The following BRIP1 variants were observed in gnomAD, a reference collection of about 807,000 sequenced individuals.
BRIP1 encodes Fanconi anemia group J protein.
In BRIP1, 88 loss-of-function variants were observed where a neutral mutation model predicts 119.7. The observed-to-expected ratio is 0.74, with a 90% CI of 0.62 to 0.88. The LOEUF is 0.88. Among genes scored for constraint, BRIP1 ranks in the 40% least tolerant of loss-of-function variants. BRIP1 has a pLI of 0.00. For missense variants in BRIP1, 1,259 were observed against 1,455.4 expected (o/e 0.87, Z 2.20); for synonymous variants, 443 against 496.5 (o/e 0.89, Z 1.43).
Position 61,695,372 on chromosome 17 carries a change from T to C in BRIP1, c.2493-1860A>G, listed in dbSNP as rs1214053510. 1.3e-5 allele frequency among the ~76,000 whole-genome samples: 2 copies of C among 152,150 alleles called. No individual in the cohort carries two copies. The highest frequency in any genetic ancestry group is 4.8e-5 in the African/African-American group (2 of 41,460). On this transcript the variant is annotated intron_variant, in intron 17 of 19. Transcript: ENST00000259008. This position sits in a 1 kb window ranked among gnomAD's most constrained non-coding sequence, Gnocchi z 4.3. ...CATCTGTCTTTATGCCAGTACAACA[T>C]AGTCTTGATTATTGTAGCTTTGTAG...
chr17:61,682,771 A>C lies in BRIP1; in HGVS notation c.*525T>G, dbSNP rs886513247. The C allele has an allele frequency of 1.0e-5, 2 of 190,554 alleles. No homozygotes were observed. The highest frequency in any genetic ancestry group is 4.7e-5 in the African/African-American group (2 of 42,970). 11.8% of individuals were successfully genotyped at this position (190,554 alleles called of 1,614,324 possible). A position where few individuals can be genotyped will look rare whatever the true frequency, so the allele number is the denominator to read the frequency against. ...AGAAGTGCCCTAGGATCTTTGAATA[A>C]TTTTAAATTGCATTTAGCTAAGGAA... On this transcript the variant is annotated 3_prime_UTR_variant, in exon 20 of 20. Transcript: ENST00000259008. This position sits in a 1 kb window ranked among gnomAD's most constrained non-coding sequence, Gnocchi z 4.9.
Position 61,796,237 on chromosome 17 carries a change from G to C in BRIP1, c.1341-2508C>G, listed in dbSNP as rs1380915344. Among the ~76,000 whole-genome samples the C allele has an allele frequency of 6.6e-6, 1 of 151,990 alleles. No homozygotes were observed. Among genetic ancestry groups the C allele is most frequent in the African/African-American group, 2.4e-5 (1 of 41,400 alleles). On this transcript the variant is annotated intron_variant, in intron 9 of 19. Coordinates refer to ENST00000259008, the MANE Select transcript of BRIP1 (RefSeq NM_032043.3). This position sits in a 1 kb window ranked among gnomAD's most constrained non-coding sequence, Gnocchi z 4.8. ...CACTTTGTTGATTGTTTCCTTTGCT[G>C]TGCAGCAGCTTTTTAACTTGATGTG...
At position 61,768,527 on chromosome 17, in the gene BRIP1, T is replaced by A. The variant is rs2077402889; in HGVS notation, c.2097+7874A>T. Among the ~76,000 whole-genome samples, 1 of 152,190 alleles carries A rather than the reference T, an allele frequency of 6.6e-6. No individual in the cohort carries two copies. Among genetic ancestry groups the A allele is most frequent in the South Asian group, 2.1e-4 (1 of 4,830 alleles). ...TTTATGGAAAGATTATTATGTGCAG[T>A]TGTGATGCCTTTGCTACCTAAATTT... On this transcript the variant is annotated intron_variant, in intron 14 of 19. Transcript: ENST00000259008. The surrounding 1 kb of genome is among the most constrained non-coding windows in gnomAD (Gnocchi z 5.0).
chr17:61,801,894 A>G (rs2078001609), intron 7 of BRIP1, among the ~76,000 whole-genome samples: 1 of 152,074 alleles, frequency 6.6e-6, no homozygotes, highest in African/African-American at 2.4e-5. Flanking sequence ...TTCTCTGTAG[A>G]CCCTTTTGTA....
At position 61,843,582 on chromosome 17, in the gene BRIP1, G is replaced by A. The variant is rs146467253; in HGVS notation, c.627+3519C>T. 7.7e-3 allele frequency among the ~76,000 whole-genome samples: 1,173 copies of A among 152,068 alleles called. 11 individuals are homozygous for A. The highest frequency in any genetic ancestry group is 0.026 in the African/African-American group (1,059 of 41,470). The stretch of plus-strand genomic sequence containing the variant: ...TTGAGTTCTTGCTCTGAGGTCACAC[G>A]AGATCTGGTTATTTAAAACAGTGTG... On this transcript the variant is annotated intron_variant, in intron 6 of 19. Transcript: ENST00000259008. The surrounding 1 kb of genome is among the most constrained non-coding windows in gnomAD (Gnocchi z 5.7).
intron 6 of BRIP1, among the ~76,000 whole-genome samples, chr17:61,818,972 G>T (rs1832670759): frequency 6.6e-6 from 1 of 152,128 alleles, no homozygotes; most frequent in African/African-American, 2.4e-5. Context: ...GATCACCTGA[G>T]GTCAGTAGTT....
Position 61,793,693 on chromosome 17 carries a change from T to G in BRIP1, c.1377A>C (p.Arg459Ser), listed in dbSNP as rs780310294. ...LEANAEYLVE[R>S]DYESACKIWS... ...ATATTTTACAAGCTGATTCATAATC[T>G]CTTTCTACAAGATATTCAGCGTTTG... Residue 459 changes from arginine (R) to serine (S), a missense_variant, in exon 10 of 20, where the codon AGA becomes AGC. Arg to Ser is a moderately radical substitution (Grantham distance 110). This residue lies in a region of BRIP1 where 501 missense variants were observed against 544.0 expected (regional missense o/e 0.92). Transcript: ENST00000259008. The surrounding 1 kb of genome is among the most constrained non-coding windows in gnomAD (Gnocchi z 5.2). 16 of 1,610,792 alleles carry G rather than the reference T, an allele frequency of 9.9e-6. No individual in the cohort carries two copies. The South Asian group carries it at 1.7e-4, about 17-fold the overall frequency.
Position 61,778,060 on chromosome 17 carries a change from G to T in BRIP1, c.1936-1498C>A, listed in dbSNP as rs1481507918. On this transcript the variant is annotated intron_variant, in intron 13 of 19. Coordinates refer to ENST00000259008, the MANE Select transcript of BRIP1 (RefSeq NM_032043.3). This position sits in a 1 kb window ranked among gnomAD's most constrained non-coding sequence, Gnocchi z 4.4. Reference sequence around the variant, plus strand: ...GGAGTTGTATGCCAGGAAATGGAGTGGAAGACCAAATATATATATTATAAA... The same window carrying T: ...GGAGTTGTATGCCAGGAAATGGAGTTGAAGACCAAATATATATATTATAAA... Among the ~76,000 whole-genome samples, 1 of 152,022 alleles carries T rather than the reference G, an allele frequency of 6.6e-6. No individual in the cohort carries two copies. Among genetic ancestry groups the T allele is most frequent in the Admixed American group, 6.6e-5 (1 of 15,246 alleles).
At chr17:61,791,779 TAGTG>T (rs1188790730) in intron 10 of BRIP1, among the ~76,000 whole-genome samples, 1 of 152,034 alleles carries the variant, frequency 6.6e-6, no homozygotes, top group African/African-American at 2.4e-5. Context: ...AGTGAGAATA[TAGTG>T]AGTGATTAAT....
chr17:61,826,731 T>TAAAAAAAAAAA (rs58466965), intron 6 of BRIP1, among the ~76,000 whole-genome samples: 3 of 75,318 alleles, frequency 4.0e-5, no homozygotes, highest in African/African-American at 9.8e-5. Flanking sequence ...TATTAAAAAG[T>TAAAAAAAAAAA]AAAAAAAAAA....
In BRIP1 at chr17:61,730,184, G is replaced by GA. The variant is rs1416968784; in HGVS notation, c.2379+12828dup. ...AGCCTTTAATCCTAGGGAAAAACAG[G>GA]AAAGAGTGATGTTGTAAACATGGAA... On this transcript the variant is annotated intron_variant, in intron 16 of 19. Transcript: ENST00000259008. The surrounding 1 kb of genome is among the most constrained non-coding windows in gnomAD (Gnocchi z 4.3). Among the ~76,000 whole-genome samples, 1 of 152,046 alleles carries GA rather than the reference G, an allele frequency of 6.6e-6. No individual in the cohort carries two copies. Among genetic ancestry groups the GA allele is most frequent in the Non-Finnish European group, 1.5e-5 (1 of 68,006 alleles).
chr17:61,809,328 T>G lies in BRIP1; in HGVS notation c.628-571A>C, dbSNP rs1040194943. Among the ~76,000 whole-genome samples the G allele has an allele frequency of 3.3e-5, 5 of 152,154 alleles. No individual in the cohort carries two copies. The highest frequency in any genetic ancestry group is 1.2e-4 in the African/African-American group (5 of 41,448). ...CGAAAATAAATGCAAAATATTAATATTTAATAATGAAAGCAGGTTGCTTGT... is the reference window on the plus strand; with the variant it reads ...CGAAAATAAATGCAAAATATTAATAGTTAATAATGAAAGCAGGTTGCTTGT... On this transcript the variant is annotated intron_variant, in intron 6 of 19. Transcript: ENST00000259008. The surrounding 1 kb of genome is among the most constrained non-coding windows in gnomAD (Gnocchi z 5.2).
At position 61,703,490 on chromosome 17, in the gene BRIP1, G is replaced by C. The variant is rs2061647826; in HGVS notation, c.2493-9978C>G. 6.6e-6 allele frequency among the ~76,000 whole-genome samples: 1 copy of C among 152,148 alleles called. No homozygotes were observed. Among genetic ancestry groups the C allele is most frequent in the Admixed American group, 6.5e-5 (1 of 15,276 alleles). ...TGTCCTTTGGCCACTTTTTAATGGG[G>C]TTGTTTTTTGCTTGTCAATTTAAGT... On this transcript the variant is annotated intron_variant, in intron 17 of 19. Coordinates refer to ENST00000259008, the MANE Select transcript of BRIP1 (RefSeq NM_032043.3). This position sits in a 1 kb window ranked among gnomAD's most constrained non-coding sequence, Gnocchi z 5.0.
chr17:61,707,379 C>T (rs1215018462), intron 17 of BRIP1, among the ~76,000 whole-genome samples: 2 of 152,084 alleles, frequency 1.3e-5, no homozygotes, highest in African/African-American at 2.4e-5. Flanking sequence ...TGCTTTGTAG[C>T]TTTTCCTCCT....
intron 13 of BRIP1, among the ~76,000 whole-genome samples, chr17:61,779,836 A>G (rs973499129): frequency 2.6e-5 from 4 of 152,026 alleles, no homozygotes; most frequent in African/African-American, 9.7e-5. Flanking sequence ...CACACCTGTA[A>G]TCTCAGCAAC....
At chr17:61,829,038 A>G (rs2078450546) in intron 6 of BRIP1, among the ~76,000 whole-genome samples, 2 of 152,290 alleles carry the variant, frequency 1.3e-5, no homozygotes, top group East Asian at 1.9e-4. Flanking sequence ...AATTAATTCA[A>G]AGAAGACAGA....
chr17:61,692,194 A>G (rs1266849174), intron 18 of BRIP1, among the ~76,000 whole-genome samples: 1 of 152,242 alleles, frequency 6.6e-6, no homozygotes, highest in Non-Finnish European at 1.5e-5. Flanking sequence ...AGCCTGCAGA[A>G]CCATAAGCCA....
rs952327369 is a variant in BRIP1, at chr17:61,822,883, G to A, written c.628-14126C>T. Among the ~76,000 whole-genome samples, 6 of 152,132 alleles carry A rather than the reference G, an allele frequency of 3.9e-5. No individual in the cohort carries two copies. Among genetic ancestry groups the A allele is most frequent in the African/African-American group, 1.4e-4 (6 of 41,404 alleles). ...TGTGTAGTGGTGCTGTTGAATTAATGGCTAAATTAGGTCGTAAGTTTCAAG... is the reference window on the plus strand; with the variant it reads ...TGTGTAGTGGTGCTGTTGAATTAATAGCTAAATTAGGTCGTAAGTTTCAAG... On this transcript the variant is annotated intron_variant, in intron 6 of 19. Coordinates refer to ENST00000259008, the MANE Select transcript of BRIP1 (RefSeq NM_032043.3). The surrounding 1 kb of genome is among the most constrained non-coding windows in gnomAD (Gnocchi z 4.4).
At position 61,810,402 on chromosome 17, in the gene BRIP1, G is replaced by A. The variant is rs976786694; in HGVS notation, c.628-1645C>T. On this transcript the variant is annotated intron_variant, in intron 6 of 19. Transcript: ENST00000259008. This position sits in a 1 kb window ranked among gnomAD's most constrained non-coding sequence, Gnocchi z 4.7. The stretch of plus-strand genomic sequence containing the variant: ...TCTGACTGAATTCTTTTTGGCTTTT[G>A]CAATGATCACATTAATCAATTAACA... Among the ~76,000 whole-genome samples the A allele has an allele frequency of 2.6e-5, 4 of 152,078 alleles. No individual in the cohort carries two copies. Among genetic ancestry groups the A allele is most frequent in the Admixed American group, 2.6e-4 (4 of 15,268 alleles).
Sources: allele counts gnomAD v4.1 joint callset (sites outside exome capture counted in the v4.1 genomes callset), GRCh38; gene constraint gnomAD v4.1.1; regional missense constraint gnomAD v4.1.1; non-coding constraint Gnocchi (gnomAD v3.1); transcripts MANE v1.5; gene names NCBI Gene and HGNC (gene_info 2026-07-23, HGNC 2026-07-21).